Variants in RAB27B observed in about 807,000 individuals in gnomAD.
RAB27B encodes RAB27B, member RAS oncogene family.
Under a neutral mutation model 24.6 loss-of-function variants are expected in RAB27B, and 15 were observed. That is an observed-to-expected ratio of 0.61 (90% confidence interval 0.41 to 0.94). The LOEUF is 0.94. RAB27B is among the 40% of genes least tolerant of loss of function. The pLI, the probability that RAB27B is intolerant of heterozygous loss-of-function variation, is 0.00. For synonymous variants in RAB27B, 105 were observed against 92.5 expected, an observed-to-expected ratio of 1.14 and a Z score of -0.78; for missense variants, 261 against 266.8, an observed-to-expected ratio of 0.98 and a Z score of 0.15.
At chr18:54,842,359 A>C (rs1359927298) in intron 1 of RAB27B, among the ~76,000 whole-genome samples, 1 of 152,228 alleles carries the variant, frequency 6.6e-6, no homozygotes, top group Non-Finnish European at 1.5e-5. Context: ...GACTTAATGA[A>C]CTGCACCAAA....
At chr18:54,804,399 G>A (rs1291226921) in intron 2 of RAB27B, among the ~76,000 whole-genome samples, 1 of 152,116 alleles carries the variant, frequency 6.6e-6, no homozygotes, top group Non-Finnish European at 1.5e-5. Flanking sequence ...GGTTTATGAG[G>A]AGTTTCTGCT....
intron 1 of RAB27B, among the ~76,000 whole-genome samples, chr18:54,860,441 C>A (rs1410573044): frequency 6.6e-6 from 1 of 152,154 alleles, no homozygotes; most frequent in African/African-American, 2.4e-5. Context: ...AGAACCACCA[C>A]TCTCCTCATT....
intron 2 of RAB27B, among the ~76,000 whole-genome samples, chr18:54,818,152 C>T (rs758987667): frequency 6.6e-5 from 10 of 152,204 alleles, no homozygotes; most frequent in South Asian, 2.1e-4. Flanking sequence ...GGCAAATAGC[C>T]GTACAATCCT....
At chr18:54,808,934 C>A (rs913659298) in intron 2 of RAB27B, among the ~76,000 whole-genome samples, 3 of 152,172 alleles carry the variant, frequency 2.0e-5, no homozygotes, top group Non-Finnish European at 4.4e-5. Flanking sequence ...GAAAGCCATG[C>A]TGCTAAGATG....
chr18:54,721,427 A>G, intron 2 of RAB27B, among the ~76,000 whole-genome samples: 1 of 152,196 alleles, frequency 6.6e-6, no homozygotes, highest in East Asian at 1.9e-4. Context: ...CAGATGTTTA[A>G]ATTGCAAATA....
At chr18:54,752,668 A>G (rs1907871918) in intron 2 of RAB27B, among the ~76,000 whole-genome samples, 1 of 152,092 alleles carries the variant, frequency 6.6e-6, no homozygotes, top group African/African-American at 2.4e-5. Flanking sequence ...AATTGACTGG[A>G]GCAGTAGGCA....
At chr18:54,758,037 G>A (rs974931687) in intron 2 of RAB27B, among the ~76,000 whole-genome samples, 63 of 152,078 alleles carry the variant, frequency 4.1e-4, no homozygotes, top group African/African-American at 1.5e-3. Context: ...GCAGTGGTGC[G>A]CTCTCGGCTC....
chr18:54,840,718 TAG>T (rs1276417723), intron 1 of RAB27B, among the ~76,000 whole-genome samples: 2 of 152,198 alleles, frequency 1.3e-5, no homozygotes, highest in Non-Finnish European at 2.9e-5. Context: ...CTTCCTCCTG[TAG>T]AGTTTCTAAG....
At chr18:54,725,678 G>A (rs568349539) in intron 2 of RAB27B, among the ~76,000 whole-genome samples, 12 of 151,490 alleles carry the variant, frequency 7.9e-5, no homozygotes, top group African/African-American at 2.9e-4. Context: ...CTAGTGAAGG[G>A]GAAAGCCCCT....
chr18:54,732,303 T>C (rs1197617073), intron 2 of RAB27B, among the ~76,000 whole-genome samples: 1 of 152,244 alleles, frequency 6.6e-6, no homozygotes, highest in Non-Finnish European at 1.5e-5. Flanking sequence ...CTTTTCAGAA[T>C]GTTCAAGTTT....
At chr18:54,724,013 G>GTTGACC (rs1220339423) in intron 2 of RAB27B, among the ~76,000 whole-genome samples, 1 of 143,854 alleles carries the variant, frequency 7.0e-6, no homozygotes, top group Non-Finnish European at 1.6e-5. Context: ...TGGCCAAAAT[G>GTTGACC]TGTGCTCTTT....
At chr18:54,728,753 G>T (rs1426297523) in intron 2 of RAB27B, among the ~76,000 whole-genome samples, 1 of 151,454 alleles carries the variant, frequency 6.6e-6, no homozygotes, top group Non-Finnish European at 1.5e-5. Context: ...GTGCACACCT[G>T]TAATCCCAGC....
intron 1 of RAB27B, among the ~76,000 whole-genome samples, chr18:54,842,768 G>A (rs116462928): frequency 0.015 from 2,295 of 152,226 alleles, 47 homozygotes; most frequent in African/African-American, 0.052. Flanking sequence ...TCAGACAAAA[G>A]TATTTGTTGC....
Position 54,732,209 on chromosome 18 carries a change from A to T in RAB27B, c.-20+14068A>T, listed in dbSNP as rs187388291. 3.9e-5 allele frequency among the ~76,000 whole-genome samples: 6 copies of T among 152,334 alleles called. No individual in the cohort carries two copies. In the East Asian group the frequency reaches 1.2e-3, roughly 29 times the overall value. On this transcript the variant is annotated intron_variant, in intron 2 of 4. Coordinates refer to the RAB27B transcript ENST00000586570. Reference sequence around the variant, plus strand: ...AAGAGTGATTGCTCCTGGCAAAGTTATTTAAATGGTACTTTTTCATTTAGA... The same window carrying T: ...AAGAGTGATTGCTCCTGGCAAAGTTTTTTAAATGGTACTTTTTCATTTAGA...
chr18:54,884,414 C>T lies in RAB27B; in HGVS notation c.321C>T (p.Phe107=). The T allele has an allele frequency of 2.5e-6, 4 of 1,610,800 alleles. No individual in the cohort carries two copies. Among genetic ancestry groups the T allele is most frequent in the Non-Finnish European group, 3.4e-6 (4 of 1,177,342 alleles). ...TTGACCTCACCAGTCAACAGAGCTTCTTAAATGTCAGAAACTGGATGAGTA... is the reference window on the plus strand; with the variant it reads ...TTGACCTCACCAGTCAACAGAGCTTTTTAAATGTCAGAAACTGGATGAGTA... The part of the protein sequence containing the change: ...LMFDLTSQQS[F]LNVRNWMSQL... The change falls in exon 4 of 6, where the codon TTC becomes TTT. Residue 107 remains phenylalanine, a synonymous_variant. Transcript: ENST00000262094.
rs1913365453 is a variant in RAB27B at position 54,891,418 on chromosome 18, A to G, written c.*2005A>G. On this transcript the variant is annotated 3_prime_UTR_variant, in exon 6 of 6. Coordinates refer to ENST00000262094, the MANE Select transcript of RAB27B (RefSeq NM_004163.4). ...TGGTGTTTCCTCTGGGATGCTCTTC[A>G]TTATCTCAATGCCTGTGCCATGAAG... The G allele has an allele frequency of 6.6e-6, 1 of 152,098 alleles. No individual in the cohort carries two copies. Among genetic ancestry groups the G allele is most frequent in the Non-Finnish European group, 1.5e-5 (1 of 68,024 alleles). The allele number at this position is 152,098 out of a possible 1,614,324, so 9.4% of individuals were successfully genotyped here. A position where few individuals can be genotyped will look rare whatever the true frequency, so the allele number is the denominator to read the frequency against.
At chr18:54,819,087 T>A (rs185377310) in intron 2 of RAB27B, among the ~76,000 whole-genome samples, 1 of 150,672 alleles carries the variant, frequency 6.6e-6, no homozygotes, top group Non-Finnish European at 1.5e-5. Flanking sequence ...TCAGAAGGAA[T>A]TGTATGGCCG....
chr18:54,867,444 T>TTTC (rs202092039), intron 1 of RAB27B, among the ~76,000 whole-genome samples: 813 of 96,806 alleles, frequency 8.4e-3, no homozygotes, highest in Non-Finnish European at 0.013. Flanking sequence ...TTTCTTTTCT[T>TTTC]TTTTTTTTTT....
At chr18:54,865,971 G>A (rs1057391793) in intron 1 of RAB27B, among the ~76,000 whole-genome samples, 1 of 152,002 alleles carries the variant, frequency 6.6e-6, no homozygotes, top group African/African-American at 2.4e-5. Context: ...TCTGTCCATG[G>A]CCCTATCCTA....
Sources: allele counts gnomAD v4.1 joint callset (sites outside exome capture counted in the v4.1 genomes callset), GRCh38; gene constraint gnomAD v4.1.1; transcripts MANE v1.5; gene names NCBI Gene and HGNC (gene_info 2026-07-23, HGNC 2026-07-21).